The following ABLIM1 variants were observed in gnomAD, a reference collection of about 807,000 sequenced individuals.
The protein encoded by ABLIM1 is actin binding LIM protein 1, also known as actin-binding LIM protein 1.
ABLIM1 carries 40 observed loss-of-function variants against 107.0 expected under a neutral mutation model. The ratio of observed to expected loss-of-function variants is 0.37; its 90% CI spans 0.29 to 0.49. The LOEUF is 0.49. Ranked by LOEUF, ABLIM1 falls within the 20% of genes least tolerant of loss-of-function variation. ABLIM1 has a pLI of 0.97. For missense variants in ABLIM1, 857 were observed against 1,008.5 expected (o/e 0.85, Z 2.04); for synonymous variants, 357 against 357.3 (o/e 1.00, Z 0.01).
intron 8 of ABLIM1, chr10:114,485,498 A>G (rs1320726956): frequency 1.1e-6 from 1 of 875,522 alleles, no homozygotes; most frequent in Admixed American, 3.0e-5. Context: ...ACTTGAGAGT[A>G]AACATCAAGT....
intron 7 of ABLIM1, among the ~76,000 whole-genome samples, chr10:114,491,008 G>GTATATATATATATATA (rs1347498391): frequency 2.3e-5 from 2 of 86,516 alleles, no homozygotes; most frequent in African/African-American, 1.1e-4. Context: ...GTGTGTGTGT[G>GTATATATATATATATA]TGTGTATATA....
At chr10:114,654,587 T>C (rs2079408518) in intron 1 of ABLIM1, among the ~76,000 whole-genome samples, 1 of 152,296 alleles carries the variant, frequency 6.6e-6, no homozygotes, top group Middle Eastern at 3.4e-3. Flanking sequence ...GCTGGTACTA[T>C]AGGCCCACAC....
chr10:114,441,122 G>A (rs376014708), intron 18 of ABLIM1, 45 bp from the exon 19 acceptor site: 181 of 1,528,018 alleles, frequency 1.2e-4, no homozygotes, highest in South Asian at 3.2e-4. Flanking sequence ...CATAGTGATC[G>A]TTTTGGAGTC....
At chr10:114,587,877 A>G (rs2074367370) in intron 2 of ABLIM1, among the ~76,000 whole-genome samples, 1 of 152,016 alleles carries the variant, frequency 6.6e-6, no homozygotes, top group Admixed American at 6.6e-5. Flanking sequence ...ACTCACCTGC[A>G]CCTGTCCTGC....
chr10:114,475,438 GTGTC>G (rs533096058), intron 8 of ABLIM1, among the ~76,000 whole-genome samples: 21 of 152,050 alleles, frequency 1.4e-4, no homozygotes, highest in Non-Finnish European at 2.6e-4. Context: ...TCCTTGCATC[GTGTC>G]TGTCTCCCTC....
Position 114,766,143 on chromosome 10 carries a change from C to T in ABLIM1, c.-213+1918G>A, listed in dbSNP as rs922092788. ...TTTATAATCTCTCAAAACCTCAATT[C>T]CTTCATCTGTAAAATGGGGAGGTAA... On this transcript the variant is annotated intron_variant, in intron 1 of 15. Coordinates refer to the ABLIM1 transcript ENST00000651092. 2.0e-5 allele frequency among the ~76,000 whole-genome samples: 3 copies of T among 152,296 alleles called. No individual in the cohort carries two copies. The South Asian group carries it at 6.2e-4, about 32-fold the overall frequency.
intron 1 of ABLIM1, among the ~76,000 whole-genome samples, chr10:114,620,936 T>C (rs1440841659): frequency 2.6e-5 from 4 of 152,160 alleles, no homozygotes; most frequent in South Asian, 2.1e-4. Flanking sequence ...GTCACCTGCC[T>C]GATTCTCGGG....
intron 1 of ABLIM1, among the ~76,000 whole-genome samples, chr10:114,627,600 G>C (rs190514551): frequency 6.6e-6 from 1 of 152,128 alleles, no homozygotes; most frequent in East Asian, 1.9e-4. Flanking sequence ...GAATCCTAAA[G>C]GAAAAGAAAG....
chr10:114,443,215 G>C (rs1419189778), intron 17 of ABLIM1, among the ~76,000 whole-genome samples: 1 of 152,108 alleles, frequency 6.6e-6, no homozygotes, highest in Non-Finnish European at 1.5e-5. Flanking sequence ...AGATACAGGG[G>C]AAAATACACT....
At chr10:114,472,929 A>G in intron 10 of ABLIM1, 48 bp downstream of exon 10, 1 of 1,464,684 alleles carries the variant, frequency 6.8e-7, no homozygotes, top group Non-Finnish European at 9.1e-7. Context: ...ATGTGACAAA[A>G]GGGAAGGTAA....
chr10:114,580,159 A>G (rs2073176171), intron 2 of ABLIM1, among the ~76,000 whole-genome samples: 1 of 149,792 alleles, frequency 6.7e-6, no homozygotes, highest in Non-Finnish European at 1.5e-5. Flanking sequence ...TCCTTTTTGA[A>G]TGCCTTTATA....
intron 1 of ABLIM1, among the ~76,000 whole-genome samples, chr10:114,693,623 C>T (rs1429579723): frequency 6.6e-6 from 1 of 151,846 alleles, no homozygotes; most frequent in African/African-American, 2.4e-5. Context: ...TAATTTTAAG[C>T]GTTTTTTCTT....
intron 16 of ABLIM1, 36 bp from the exon 17 acceptor site, chr10:114,444,170 A>C (rs764098271): frequency 2.7e-6 from 4 of 1,461,292 alleles, no homozygotes; most frequent in Non-Finnish European, 3.7e-6. Flanking sequence ...AAAAAAAAAG[A>C]AAGCAAAGCT....
chr10:114,450,456 G>A (rs1407890438), intron 14 of ABLIM1, among the ~76,000 whole-genome samples: 16 of 112,544 alleles, frequency 1.4e-4, no homozygotes, highest in African/African-American at 5.0e-4. Flanking sequence ...TTTTTTTGGC[G>A]ACAGAGTCTC....
chr10:114,752,875 ATT>A lies in ABLIM1; in HGVS notation c.-213+15184_-213+15185del, dbSNP rs751075852. Among the ~76,000 whole-genome samples the A allele has an allele frequency of 2.3e-4, 35 of 152,234 alleles. 1 individual carries two copies. Among genetic ancestry groups the A allele is most frequent in the African/African-American group, 6.3e-4 (26 of 41,536 alleles). On this transcript the variant is annotated intron_variant, in intron 1 of 15. Coordinates refer to the ABLIM1 transcript ENST00000651092. ...TTTGGGTTGATTCCATGTCTTTGCT[ATT>A]GTGAATAGTGCTGCAATGAATATAT... is the stretch of plus-strand genomic sequence containing the variant.
chr10:114,635,806 G>C (rs2078452267), intron 1 of ABLIM1, among the ~76,000 whole-genome samples: 1 of 152,220 alleles, frequency 6.6e-6, no homozygotes, highest in Non-Finnish European at 1.5e-5. Flanking sequence ...ACAGGCGTGA[G>C]CCACTGCACC....
At chr10:114,532,621 A>T (rs12767430) in intron 6 of ABLIM1, among the ~76,000 whole-genome samples, 1,719 of 152,284 alleles carry the variant, frequency 0.011, 9 homozygotes, top group Non-Finnish European at 0.018. Flanking sequence ...TTAGCCTGGT[A>T]ATACTGTGCC....
chr10:114,710,036 T>C (rs1388867867), intron 1 of ABLIM1, among the ~76,000 whole-genome samples: 1 of 152,204 alleles, frequency 6.6e-6, no homozygotes, highest in Non-Finnish European at 1.5e-5. Flanking sequence ...ACATATTTAC[T>C]TGGGCAAGAG....
intron 7 of ABLIM1, among the ~76,000 whole-genome samples, chr10:114,491,478 G>C (rs574992602): frequency 2.0e-5 from 3 of 152,212 alleles, no homozygotes; most frequent in African/African-American, 7.2e-5. Context: ...TTCCTGGGGA[G>C]AGTTGGAGAG....
Sources: allele counts gnomAD v4.1 joint callset (sites outside exome capture counted in the v4.1 genomes callset), GRCh38; gene constraint gnomAD v4.1.1; transcripts MANE v1.5; gene names NCBI Gene and HGNC (gene_info 2026-07-23, HGNC 2026-07-21).